Variants in GOLGA8A observed in about 807,000 individuals in gnomAD.
GOLGA8A encodes the protein golgin A8 family member A.
A neutral mutation model predicts 22.1 loss-of-function variants in GOLGA8A; 3 were observed. The observed-to-expected ratio is 0.14, with a 90% CI of 0.06 to 0.35. GOLGA8A has a LOEUF of 0.35. Ranked by LOEUF, GOLGA8A falls within the 10% of genes least tolerant of loss-of-function variation. GOLGA8A has a pLI of 1.00. For synonymous variants in GOLGA8A, 7 were observed against 91.7 expected, an observed-to-expected ratio of 0.08 and a Z score of 5.28; for missense variants, 16 against 233.2, an observed-to-expected ratio of 0.07 and a Z score of 6.07.
rs1425641597 is a variant in GOLGA8A at position 34,402,111 on chromosome 15, AT to A, written c.-574-1353del. ...CAAAAAACAGTTCAAACAAAAAGAT[AT>A]TTTTTTTTCAACTAACTCAAAAATG... is the stretch of plus-strand genomic sequence containing the variant. On this transcript the variant is annotated intron_variant, in intron 5 of 24. Transcript: ENST00000359187. 7.1e-4 allele frequency among the ~76,000 whole-genome samples: 28 copies of A among 39,568 alleles called. 2 individuals are homozygous for A. Among genetic ancestry groups the A allele is most frequent in the East Asian group, 2.8e-3 (4 of 1,424 alleles). 26.0% of individuals were successfully genotyped at this position (39,568 alleles called of 152,430 possible).
chr15:34,399,020 T>A (rs1210079289), intron 7 of GOLGA8A, 135 bp downstream of exon 7: 1 of 134,960 alleles, frequency 7.4e-6, no homozygotes, highest in Non-Finnish European at 1.7e-5. Flanking sequence ...GTTACCTTTT[T>A]CATTCTTGAA....
chr15:34,433,544 G>C (rs1299788378), intron 2 of GOLGA8A, among the ~76,000 whole-genome samples: 1 of 149,278 alleles, frequency 6.7e-6, no homozygotes, highest in Non-Finnish European at 1.5e-5. Context: ...GCTCTTTCTT[G>C]ACTGCCCACT....
Position 34,381,068 on chromosome 15 carries a change from C to G in GOLGA8A, c.*343G>C. Reference sequence around the variant, plus strand: ...CAATAACATTAGAAAAGCACGGGAGCCTATTCCAAACCAGCGAGAACAGTT... The same window carrying G: ...CAATAACATTAGAAAAGCACGGGAGGCTATTCCAAACCAGCGAGAACAGTT... On this transcript the variant is annotated 3_prime_UTR_variant, in exon 25 of 25. Transcript: ENST00000359187. 2 of 391,510 alleles carry G rather than the reference C, an allele frequency of 5.1e-6. No homozygotes were observed. The highest frequency in any genetic ancestry group is 9.6e-6 in the Non-Finnish European group (2 of 207,326). The allele number at this position is 391,510 out of a possible 1,614,324, so 24.3% of individuals were successfully genotyped here. A position where few individuals can be genotyped will look rare whatever the true frequency, so the allele number is the denominator to read the frequency against.
Position 34,379,535 on chromosome 15 carries a change from C to T in GOLGA8A, c.*1876G>A, listed in dbSNP as rs369311689. On this transcript the variant is annotated 3_prime_UTR_variant, in exon 25 of 25. Transcript: ENST00000359187. ...AGAGTCAGTTGAAGTTACAAGGACCCAATATCTGCCCTCTTTCAGTGAATG... is the reference window on the plus strand; with the variant it reads ...AGAGTCAGTTGAAGTTACAAGGACCTAATATCTGCCCTCTTTCAGTGAATG... 6.6e-6 allele frequency: 1 copy of T among 152,556 alleles called. No homozygotes were observed. Among genetic ancestry groups the T allele is most frequent in the African/African-American group, 2.4e-5 (1 of 41,404 alleles). 9.5% of individuals were successfully genotyped at this position (152,556 alleles called of 1,614,324 possible).
intron 2 of GOLGA8A, among the ~76,000 whole-genome samples, chr15:34,431,331 A>ATCTATC (rs1435309982): frequency 2.6e-4 from 14 of 52,940 alleles, no homozygotes; most frequent in Non-Finnish European, 5.2e-4. Context: ...ATATATATAT[A>ATCTATC]TATATATATA....
chr15:34,435,450 AATCC>A lies in GOLGA8A; in HGVS notation c.-1194_-1191del, dbSNP rs573320499. On this transcript the variant is annotated 5_prime_UTR_variant, in exon 2 of 25. The change abolishes an upstream ATG in the 5' untranslated region. Coordinates refer to ENST00000359187, the MANE Select transcript of GOLGA8A (RefSeq NM_181077.5). Reference sequence around the variant, plus strand: ...GGATATTTATGCACCTCCATTTCACAATCCATCTCCACCGATTATTCCTGTAAAA... The same window carrying A: ...GGATATTTATGCACCTCCATTTCACAATCTCCACCGATTATTCCTGTAAAA... 37 of 149,252 alleles carry A rather than the reference AATCC, an allele frequency of 2.5e-4. 2 individuals carry two copies. Among genetic ancestry groups the A allele is most frequent in the African/African-American group, 9.1e-4 (37 of 40,484 alleles). 9.2% of individuals were successfully genotyped at this position (149,252 alleles called of 1,614,324 possible).
At chr15:34,431,335 A>ATCTCTCTCTC (rs1254192860) in intron 2 of GOLGA8A, among the ~76,000 whole-genome samples, 1 of 69,714 alleles carries the variant, frequency 1.4e-5, no homozygotes, top group Admixed American at 1.8e-4. Flanking sequence ...ATATATATAT[A>ATCTCTCTCTC]TATATATATA....
At chr15:34,400,929 GT>G (rs372533500) in intron 5 of GOLGA8A, among the ~76,000 whole-genome samples, 170 bp from the exon 6 acceptor site, 4 of 81,540 alleles carry the variant, frequency 4.9e-5, no homozygotes, top group African/African-American at 8.1e-5. Flanking sequence ...TTTTATGTCT[GT>G]TTTTTTCATC....
In GOLGA8A at chr15:34,432,830, T is replaced by C. The variant is rs1289630752; in HGVS notation, c.-1123+2553A>G. Among the ~76,000 whole-genome samples the C allele has an allele frequency of 4.0e-5, 6 of 148,994 alleles. 1 individual carries two copies. The highest frequency in any genetic ancestry group is 7.4e-5 in the Non-Finnish European group (5 of 67,174). ...TTTATGACAGGCCGCCTCTGCATTC[T>C]CTCACTAGGCCGTAGCTGTAACTCA... is the stretch of plus-strand genomic sequence containing the variant. On this transcript the variant is annotated intron_variant, in intron 2 of 24. Transcript: ENST00000359187.
intron 2 of GOLGA8A, among the ~76,000 whole-genome samples, chr15:34,429,167 C>G (rs1305659465): frequency 6.8e-6 from 1 of 147,716 alleles, no homozygotes; most frequent in Non-Finnish European, 1.5e-5. Context: ...ACGCCCCTGA[C>G]CGCGTCTTCC....
At chr15:34,428,436 T>C (rs1893077669) in intron 2 of GOLGA8A, among the ~76,000 whole-genome samples, 2 of 148,286 alleles carry the variant, frequency 1.3e-5, no homozygotes, top group East Asian at 2.0e-4. Flanking sequence ...AGCAGGCCTT[T>C]CCAGTTACAG....
At chr15:34,431,861 G>C (rs1049367579) in intron 2 of GOLGA8A, among the ~76,000 whole-genome samples, 18 of 148,908 alleles carry the variant, frequency 1.2e-4, no homozygotes, top group Admixed American at 8.8e-4. Context: ...CTAGGCAATA[G>C]GAATTTTTGA....
At chr15:34,425,887 C>T (rs77125731) in intron 2 of GOLGA8A, among the ~76,000 whole-genome samples, 4 of 145,062 alleles carry the variant, frequency 2.8e-5, no homozygotes, top group African/African-American at 7.5e-5. Flanking sequence ...TATCACTTTA[C>T]ACCCACTTGA....
Position 34,380,982 on chromosome 15 carries a change from CA to C in GOLGA8A, c.*428del. 3.0e-6 allele frequency: 1 copy of C among 332,798 alleles called. No individual in the cohort carries two copies. The highest frequency in any genetic ancestry group is 2.5e-5 in the South Asian group (1 of 40,072). 20.6% of individuals were successfully genotyped at this position (332,798 alleles called of 1,614,324 possible). On this transcript the variant is annotated 3_prime_UTR_variant, in exon 25 of 25. Transcript: ENST00000359187. Reference sequence around the variant, plus strand: ...GAGCTCACTGTGATTAAGATGAGATCAAACATCATAGCAGAACATTAGCAAA... The same window carrying C: ...GAGCTCACTGTGATTAAGATGAGATCAACATCATAGCAGAACATTAGCAAA...
chr15:34,402,970 A>C (rs1270452027), intron 5 of GOLGA8A, among the ~76,000 whole-genome samples: 1 of 109,902 alleles, frequency 9.1e-6, no homozygotes, highest in East Asian at 2.9e-4. Flanking sequence ...CATTTCCAAC[A>C]CTCAACATTT....
Position 34,380,898 on chromosome 15 carries a change from A to G in GOLGA8A, c.*513T>C, listed in dbSNP as rs188256329. On this transcript the variant is annotated 3_prime_UTR_variant, in exon 25 of 25. Transcript: ENST00000359187. ...TCTAAATGTCAGTACTCACAGTGGC[A>G]TATTACAAAGTAATAAACAGTGCAC... The G allele has an allele frequency of 3.6e-5, 8 of 224,882 alleles. No individual in the cohort carries two copies. Among genetic ancestry groups the G allele is most frequent in the Admixed American group, 1.6e-4 (3 of 19,028 alleles). The allele number at this position is 224,882 out of a possible 1,614,324, so 13.9% of individuals were successfully genotyped here.
At chr15:34,431,241 T>C (rs74244099) in intron 2 of GOLGA8A, among the ~76,000 whole-genome samples, 12 of 123,100 alleles carry the variant, frequency 9.7e-5, no homozygotes, top group African/African-American at 3.5e-4. Context: ...TAGAGCTGCC[T>C]TGCTGGAGAA....
At chr15:34,436,104 C>G (rs1471270353) in intron 1 of GOLGA8A, among the ~76,000 whole-genome samples, 1 of 148,830 alleles carries the variant, frequency 6.7e-6, no homozygotes, top group Non-Finnish European at 1.5e-5. Flanking sequence ...AGTGGCCACA[C>G]CTCTGGGAGG....
chr15:34,432,401 C>T (rs1432766841), intron 2 of GOLGA8A, among the ~76,000 whole-genome samples: 2 of 148,850 alleles, frequency 1.3e-5, no homozygotes, highest in African/African-American at 2.5e-5. Context: ...GGACCTCACA[C>T]TCTCTCCAGC....
Sources: gnomAD v4.1 joint callset for allele counts (sites outside exome capture counted in the v4.1 genomes callset) on GRCh38, gnomAD v4.1.1 for gene constraint, MANE v1.5 for transcripts, NCBI Gene and HGNC (gene_info 2026-07-23, HGNC 2026-07-21) for gene names.